Variants in FYN observed in about 807,000 individuals in gnomAD.
FYN encodes the protein tyrosine-protein kinase Fyn.
FYN carries 10 observed loss-of-function variants against 70.2 expected under a neutral mutation model. The observed-to-expected ratio is 0.14, with a 90% confidence interval of 0.09 to 0.24. The LOEUF (loss-of-function observed/expected upper bound fraction) is 0.24. Among genes scored for constraint, FYN ranks in the 10% least tolerant of loss-of-function variants. The pLI, the probability that FYN is intolerant of heterozygous loss-of-function variation, is 1.00. For missense variants in FYN, 319 were observed against 673.1 expected (o/e 0.47, Z 5.82); for synonymous variants, 236 against 248.6 (o/e 0.95, Z 0.48).
intron 3 of FYN, among the ~76,000 whole-genome samples, chr6:111,778,682 G>T (rs1487111703): frequency 2.0e-5 from 3 of 151,660 alleles, no homozygotes; most frequent in South Asian, 4.2e-4. Flanking sequence ...TTTTAGTAGA[G>T]ATGGGGTTTT....
chr6:111,780,457 G>T (rs1278580461), intron 3 of FYN, 109 bp downstream of exon 3: 1 of 152,520 alleles, frequency 6.6e-6, no homozygotes, highest in Non-Finnish European at 1.5e-5. Flanking sequence ...ACTCCATTCT[G>T]CCTGAGTTTA....
chr6:111,823,232 C>T (rs927367397), intron 2 of FYN, among the ~76,000 whole-genome samples: 15 of 152,328 alleles, frequency 9.8e-5, no homozygotes, highest in African/African-American at 2.9e-4. Flanking sequence ...GGGAACCGAA[C>T]GGAGGACCCA....
At chr6:111,716,030 T>C (rs1800628955) in intron 4 of FYN, among the ~76,000 whole-genome samples, 1 of 152,250 alleles carries the variant, frequency 6.6e-6, no homozygotes, top group South Asian at 2.1e-4. Context: ...TAATACACTG[T>C]TATTAAAGCT....
chr6:111,693,071 T>G (rs540454425), intron 12 of FYN, among the ~76,000 whole-genome samples: 30 of 152,344 alleles, frequency 2.0e-4, no homozygotes, highest in African/African-American at 6.7e-4. Context: ...GACCGACATG[T>G]AATTCAGCAT....
intron 13 of FYN, among the ~76,000 whole-genome samples, chr6:111,673,815 C>T (rs1052866878): frequency 6.6e-6 from 1 of 152,006 alleles, no homozygotes; most frequent in South Asian, 2.1e-4. Context: ...CATCTGTCGA[C>T]GTTAATCAAT....
intron 2 of FYN, among the ~76,000 whole-genome samples, chr6:111,802,382 A>G (rs1024069024): frequency 6.6e-6 from 1 of 152,068 alleles, no homozygotes; most frequent in Non-Finnish European, 1.5e-5. Context: ...CAGCCTGTGG[A>G]ACTCTGAGCC....
chr6:111,685,080 C>T (rs73538018), intron 12 of FYN, among the ~76,000 whole-genome samples: 4,483 of 152,338 alleles, frequency 0.029, 220 homozygotes, highest in African/African-American at 0.1. Context: ...ACAGCATAAA[C>T]GCTATGTTTG....
intron 13 of FYN, among the ~76,000 whole-genome samples, chr6:111,662,150 ACT>A (rs1187255762): frequency 6.6e-6 from 1 of 152,092 alleles, no homozygotes; most frequent in Admixed American, 6.5e-5. Flanking sequence ...ATTCAGAATG[ACT>A]CTCAAAACAT....
intron 3 of FYN, among the ~76,000 whole-genome samples, chr6:111,732,045 G>A (rs1801483571): frequency 6.6e-6 from 1 of 152,180 alleles, no homozygotes; most frequent in Non-Finnish European, 1.5e-5. Flanking sequence ...ACAGTATTTG[G>A]GATGACAAGC....
At chr6:111,852,830 C>T (rs1346956999) in intron 1 of FYN, among the ~76,000 whole-genome samples, 2 of 152,208 alleles carry the variant, frequency 1.3e-5, no homozygotes, top group Non-Finnish European at 2.9e-5. Context: ...CTATCACAGT[C>T]TCTCTTTGCT....
At chr6:111,821,214 C>T (rs9398286) in intron 2 of FYN, among the ~76,000 whole-genome samples, 120,324 of 149,240 alleles carry the variant, frequency 0.81, 49,447 homozygotes, top group African/African-American at 0.95. Context: ...GGAGGCATCA[C>T]ACTACCTGAC....
intron 3 of FYN, among the ~76,000 whole-genome samples, chr6:111,732,706 T>C (rs1211698337): frequency 2.0e-5 from 3 of 152,214 alleles, no homozygotes; most frequent in African/African-American, 7.2e-5. Context: ...ATTCAACTCC[T>C]GAATCCTTCA....
intron 2 of FYN, among the ~76,000 whole-genome samples, chr6:111,787,610 C>T (rs937185428): frequency 6.6e-6 from 1 of 152,168 alleles, no homozygotes; most frequent in African/African-American, 2.4e-5. Flanking sequence ...TTGTACAGGG[C>T]CTGGTATGCA....
At chr6:111,862,084 C>T (rs910683) in intron 1 of FYN, among the ~76,000 whole-genome samples, 6,298 of 152,238 alleles carry the variant, frequency 0.041, 137 homozygotes, top group East Asian at 0.12. Flanking sequence ...TACTTTCAGG[C>T]CCAACAATAC....
At chr6:111,685,711 C>T (rs1232450034) in intron 12 of FYN, among the ~76,000 whole-genome samples, 1 of 152,228 alleles carries the variant, frequency 6.6e-6, no homozygotes, top group Admixed American at 6.5e-5. Flanking sequence ...CAGAGGGTGA[C>T]CATCTGCTTC....
chr6:111,705,171 C>A (rs1800013331), intron 6 of FYN, among the ~76,000 whole-genome samples: 1 of 151,976 alleles, frequency 6.6e-6, no homozygotes, highest in Non-Finnish European at 1.5e-5. Flanking sequence ...TGAAGATAAT[C>A]AAGCATTAAA....
intron 9 of FYN, among the ~76,000 whole-genome samples, chr6:111,698,267 G>A (rs887362639): frequency 7.9e-5 from 12 of 152,256 alleles, no homozygotes; most frequent in South Asian, 2.1e-4. Context: ...CTGAGTAGCT[G>A]GGATTACAGG....
At chr6:111,685,257 G>A (rs942410023) in intron 12 of FYN, among the ~76,000 whole-genome samples, 4 of 152,216 alleles carry the variant, frequency 2.6e-5, no homozygotes, top group Admixed American at 6.5e-5. Context: ...CAGAGGGCCC[G>A]TGTCAGTCTG....
chr6:111,816,439 A>T (rs1772491912), intron 2 of FYN, among the ~76,000 whole-genome samples: 1 of 152,188 alleles, frequency 6.6e-6, no homozygotes, highest in Non-Finnish European at 1.5e-5. Flanking sequence ...ACAACCTCTC[A>T]CTGATTCTAA....
Sources: gnomAD v4.1 joint callset for allele counts (sites outside exome capture counted in the v4.1 genomes callset) on GRCh38, gnomAD v4.1.1 for gene constraint, MANE v1.5 for transcripts, NCBI Gene and HGNC (gene_info 2026-07-23, HGNC 2026-07-21) for gene names.